LRBA: variants seen among roughly 807,000 people sequenced by gnomAD.
LRBA encodes the protein lipopolysaccharide-responsive and beige-like anchor protein.
Under a neutral mutation model 330.0 loss-of-function variants are expected in LRBA, and 176 were observed. The observed-to-expected ratio is 0.53, with a 90% CI of 0.47 to 0.60. The LOEUF (loss-of-function observed/expected upper bound fraction) is 0.60, where lower values mean the gene tolerates loss of function less well. LRBA is among the 20% of genes least tolerant of loss of function. The pLI is 0.00. For missense variants in LRBA, 3,259 were observed against 3,444.8 expected (o/e 0.95, Z 1.35); for synonymous variants, 1,230 against 1,193.0 (o/e 1.03, Z -0.64).
At chr4:150,546,953 G>A (rs891748231) in intron 40 of LRBA, among the ~76,000 whole-genome samples, 2 of 152,058 alleles carry the variant, frequency 1.3e-5, no homozygotes, top group African/African-American at 4.8e-5. Context: ...CAACTGATGG[G>A]TTATGACAGA....
rs554111978 is a variant in LRBA, at chr4:150,505,111, C to T, written c.6331-14076G>A. 8.5e-5 allele frequency among the ~76,000 whole-genome samples: 13 copies of T among 152,182 alleles called. No homozygotes were observed. The South Asian group carries it at 2.5e-3, about 29-fold the overall frequency. ...GTGACCTACAAAGAGACTTAGACTC[C>T]CACACAACAATAATAATGGGAGACT... On this transcript the variant is annotated intron_variant, in intron 40 of 56. Coordinates refer to ENST00000651943, the MANE Select transcript of LRBA (RefSeq NM_001364905.1).
At chr4:150,639,360 T>TTA (rs1554070541) in intron 37 of LRBA, among the ~76,000 whole-genome samples, 1 of 106,696 alleles carries the variant, frequency 9.4e-6, no homozygotes. Context: ...TAAAGTATAA[T>TTA]AAAAAAAAAA....
At chr4:150,974,200 C>G (rs934830324) in intron 2 of LRBA, among the ~76,000 whole-genome samples, 2 of 152,076 alleles carry the variant, frequency 1.3e-5, no homozygotes, top group Non-Finnish European at 2.9e-5. Context: ...ACAATGAAAC[C>G]ATTGAGTTGA....
At chr4:150,358,546 T>C (rs1444606010) in intron 47 of LRBA, among the ~76,000 whole-genome samples, 1 of 152,138 alleles carries the variant, frequency 6.6e-6, no homozygotes, top group Non-Finnish European at 1.5e-5. Flanking sequence ...AAAAAATTAG[T>C]AAAGTATCCC....
At chr4:150,956,906 A>G (rs1737603176) in intron 2 of LRBA, among the ~76,000 whole-genome samples, 1 of 149,270 alleles carries the variant, frequency 6.7e-6, no homozygotes, top group Non-Finnish European at 1.5e-5. Context: ...AGCTAACATC[A>G]TACTTAATGG....
intron 49 of LRBA, among the ~76,000 whole-genome samples, chr4:150,323,025 G>GTGTT (rs373782725): frequency 3.6e-4 from 51 of 142,640 alleles, no homozygotes; most frequent in Admixed American, 1.2e-3. Flanking sequence ...GTGTGTGTGT[G>GTGTT]GGGATGCATT....
intron 50 of LRBA, among the ~76,000 whole-genome samples, chr4:150,316,521 A>C (rs1354190602): frequency 6.6e-6 from 1 of 152,082 alleles, no homozygotes; most frequent in East Asian, 1.9e-4. Flanking sequence ...TCAGCTTCAT[A>C]GTTCTGACAG....
In LRBA at chr4:150,900,049, C is replaced by T; in HGVS notation, c.1924G>A (p.Asp642Asn). The T allele has an allele frequency of 6.2e-7, 1 of 1,605,328 alleles. No individual in the cohort carries two copies. The highest frequency in any genetic ancestry group is 8.5e-7 in the Non-Finnish European group (1 of 1,174,646). ...TAATATACAGACAGAAATTATATAC[C>T]TAATCCTTTTGGGGTGATACCACTT... ...DRSGITPKGL[D>N]GPRPNQKEML... The change falls in exon 14 of 57, where the codon GAT (aspartate) becomes AAT (asparagine). Residue 642 changes from aspartate (D) to asparagine (N), a missense_variant and splice_region_variant. Coordinates refer to ENST00000651943, the MANE Select transcript of LRBA (RefSeq NM_001364905.1).
intron 37 of LRBA, among the ~76,000 whole-genome samples, chr4:150,660,144 G>A (rs1403449335): frequency 6.2e-4 from 9 of 14,594 alleles, no homozygotes; most frequent in African/African-American, 7.2e-4. Context: ...TCAGCCCTCC[G>A]CCCGGCCAGC....
chr4:150,528,049 A>T (rs1763655092), intron 40 of LRBA, among the ~76,000 whole-genome samples: 1 of 152,132 alleles, frequency 6.6e-6, no homozygotes, highest in Admixed American at 6.5e-5. Flanking sequence ...ACCTCAAGTG[A>T]TTCAGGAATT....
intron 2 of LRBA, among the ~76,000 whole-genome samples, chr4:150,931,316 G>A (rs1734473947): frequency 6.6e-6 from 1 of 151,708 alleles, no homozygotes; most frequent in South Asian, 2.1e-4. Flanking sequence ...AAAAAGGCAT[G>A]TATATGAATA....
intron 48 of LRBA, among the ~76,000 whole-genome samples, chr4:150,346,920 T>G (rs1192446910): frequency 6.6e-6 from 1 of 152,162 alleles, no homozygotes; most frequent in East Asian, 1.9e-4. Flanking sequence ...ATCCATACTC[T>G]TGGCCACATT....
intron 33 of LRBA, among the ~76,000 whole-genome samples, chr4:150,801,864 T>C (rs1741659012): frequency 6.6e-6 from 1 of 151,994 alleles, no homozygotes; most frequent in Non-Finnish European, 1.5e-5. Flanking sequence ...GACTGCAAGT[T>C]TATACTTTCT....
At chr4:150,694,697 C>A (rs1310802089) in intron 36 of LRBA, among the ~76,000 whole-genome samples, 1 of 151,572 alleles carries the variant, frequency 6.6e-6, no homozygotes. Flanking sequence ...CTCCTCCCTT[C>A]CCCCCATAAC....
intron 22 of LRBA, among the ~76,000 whole-genome samples, chr4:150,855,181 C>G (rs1010871808): frequency 1.3e-5 from 2 of 152,124 alleles, no homozygotes; most frequent in African/African-American, 4.8e-5. Flanking sequence ...TTGCTTGAAC[C>G]CAACCCAGGA....
intron 47 of LRBA, among the ~76,000 whole-genome samples, chr4:150,386,463 CCT>C (rs1445188961): frequency 1.4e-5 from 2 of 139,994 alleles, no homozygotes; most frequent in African/African-American, 5.2e-5. Context: ...TTCCCCTCCC[CCT>C]GTCCATGTGT....
intron 40 of LRBA, chr4:150,581,465 T>G (rs926358837): frequency 2.9e-5 from 9 of 312,744 alleles, no homozygotes; most frequent in South Asian, 2.5e-4. Context: ...AGATTCCCCT[T>G]TCGCTTCCCA....
At chr4:150,804,243 T>C (rs564601849) in intron 33 of LRBA, among the ~76,000 whole-genome samples, 12 of 152,212 alleles carry the variant, frequency 7.9e-5, no homozygotes, top group Non-Finnish European at 1.8e-4. Flanking sequence ...AGGAAATTGC[T>C]ATTCCAAACT....
chr4:150,893,399 G>A (rs1729688031), intron 16 of LRBA, among the ~76,000 whole-genome samples: 1 of 152,126 alleles, frequency 6.6e-6, no homozygotes, highest in Non-Finnish European at 1.5e-5. Context: ...CACTCAGGCT[G>A]GAGCACAGTG....
Sources: gnomAD v4.1 joint callset for allele counts (sites outside exome capture counted in the v4.1 genomes callset) on GRCh38, gnomAD v4.1.1 for gene constraint, MANE v1.5 for transcripts, NCBI Gene and HGNC (gene_info 2026-07-23, HGNC 2026-07-21) for gene names.